Variants in MEGF11 observed in about 807,000 individuals in gnomAD.
The protein encoded by MEGF11 is multiple EGF like domains 11, also known as multiple epidermal growth factor-like domains protein 11.
A neutral mutation model predicts 146.6 loss-of-function variants in MEGF11; 126 were observed. That is an observed-to-expected ratio of 0.86 (90% confidence interval 0.74 to 1.00). The LOEUF (loss-of-function observed/expected upper bound fraction) is 1.00, where lower values mean the gene tolerates loss of function less well. Ranked by LOEUF, MEGF11 falls within the 50% of genes least tolerant of loss-of-function variation. The pLI, the probability that MEGF11 is intolerant of heterozygous loss-of-function variation, is 0.00. For missense variants in MEGF11, 1,509 were observed against 1,521.2 expected (o/e 0.99, Z 0.13); for synonymous variants, 532 against 583.4 (o/e 0.91, Z 1.27).
Position 65,916,198 on chromosome 15 carries a change from C to G in MEGF11, c.2294G>C (p.Ser765Thr). The G allele has an allele frequency of 6.3e-7, 1 of 1,581,142 alleles. No homozygotes were observed. Among genetic ancestry groups the G allele is most frequent in the Non-Finnish European group, 8.6e-7 (1 of 1,163,512 alleles). Residue 765 changes from serine (S) to threonine (T), a missense_variant, in exon 18 of 26, where the codon AGT becomes ACT. Transcript: ENST00000395614. ...CQNGASCDHI[S>T]GKCTCRTGFT... ...GCCTGTGCGGCAGGTGCACTTGCCACTGATGTGGTCACAGCTGGCGCCATT... is the reference window on the plus strand; with the variant it reads ...GCCTGTGCGGCAGGTGCACTTGCCAGTGATGTGGTCACAGCTGGCGCCATT...
intron 5 of MEGF11, among the ~76,000 whole-genome samples, chr15:66,092,631 C>T (rs543841841): frequency 6.6e-6 from 1 of 152,344 alleles, no homozygotes; most frequent in South Asian, 2.1e-4. Flanking sequence ...TGTTCCATCT[C>T]TTTCATTAGG....
chr15:66,159,923 A>G (rs1308955189), intron 1 of MEGF11, among the ~76,000 whole-genome samples: 1 of 152,170 alleles, frequency 6.6e-6, no homozygotes, highest in Non-Finnish European at 1.5e-5. Flanking sequence ...TGGAGTAACC[A>G]TGATTCTTCT....
intron 10 of MEGF11, among the ~76,000 whole-genome samples, chr15:65,941,866 C>T (rs1429385944): frequency 6.6e-6 from 1 of 152,258 alleles, no homozygotes; most frequent in Non-Finnish European, 1.5e-5. Context: ...CTTCACCCCT[C>T]CAGACAGGGC....
chr15:65,968,944 T>TGGAGGCAATTTTACAAAATATTA (rs1479437906), intron 8 of MEGF11, among the ~76,000 whole-genome samples: 1 of 152,204 alleles, frequency 6.6e-6, no homozygotes, highest in African/African-American at 2.4e-5. Context: ...ACGAAATTAA[T>TGGAGGCAATTTTACAAAATATTA]GGAGGCAATT....
At chr15:66,144,114 C>T (rs191651146) in intron 1 of MEGF11, among the ~76,000 whole-genome samples, 12 of 152,304 alleles carry the variant, frequency 7.9e-5, no homozygotes, top group Non-Finnish European at 1.6e-4. Flanking sequence ...CCAGCACACA[C>T]GGACACTAAG....
intron 1 of MEGF11, among the ~76,000 whole-genome samples, chr15:66,237,929 G>A (rs4776771): frequency 0.46 from 69,784 of 152,076 alleles, 16,957 homozygotes; most frequent in East Asian, 0.68. Context: ...AGTGTTTGAA[G>A]GGAAAATACA....
intron 4 of MEGF11, among the ~76,000 whole-genome samples, chr15:66,113,201 C>A (rs1312794104): frequency 6.6e-6 from 1 of 152,128 alleles, no homozygotes; most frequent in Non-Finnish European, 1.5e-5. Context: ...CCCTCGGACA[C>A]CATGTGCAGA....
intron 1 of MEGF11, among the ~76,000 whole-genome samples, chr15:66,205,448 G>A (rs540535219): frequency 6.6e-6 from 1 of 152,224 alleles, no homozygotes; most frequent in South Asian, 2.1e-4. Context: ...TGTCTTGGGG[G>A]TGGTGGGGAT....
chr15:66,008,892 T>C (rs1305909209), intron 5 of MEGF11, among the ~76,000 whole-genome samples: 1 of 151,874 alleles, frequency 6.6e-6, no homozygotes, highest in Non-Finnish European at 1.5e-5. Context: ...CCAGGGCTCC[T>C]TCTTCTATAC....
At chr15:65,953,700 T>C (rs900462518) in intron 10 of MEGF11, among the ~76,000 whole-genome samples, 3 of 151,998 alleles carry the variant, frequency 2.0e-5, no homozygotes, top group African/African-American at 7.3e-5. Flanking sequence ...CACATTTCAG[T>C]GAACAGGATT....
intron 5 of MEGF11, among the ~76,000 whole-genome samples, chr15:66,015,799 C>T (rs141279011): frequency 2.2e-3 from 337 of 150,766 alleles, no homozygotes; most frequent in African/African-American, 7.8e-3. Context: ...AGGTGGCCAC[C>T]GGGCCACAGC....
At chr15:65,994,355 AC>A (rs2082140490) in intron 5 of MEGF11, among the ~76,000 whole-genome samples, 1 of 151,898 alleles carries the variant, frequency 6.6e-6, no homozygotes, top group Non-Finnish European at 1.5e-5. Context: ...TGTGGGCCAC[AC>A]CCCCACTAAG....
chr15:66,059,627 A>T (rs6494545), intron 5 of MEGF11, among the ~76,000 whole-genome samples: 1 of 150,960 alleles, frequency 6.6e-6, no homozygotes, highest in African/African-American at 2.5e-5. Flanking sequence ...CAGTTGCCCC[A>T]GGTTCTTAAA....
At chr15:66,050,800 C>T (rs1455603296) in intron 5 of MEGF11, among the ~76,000 whole-genome samples, 1 of 152,226 alleles carries the variant, frequency 6.6e-6, no homozygotes, top group Non-Finnish European at 1.5e-5. Context: ...CCCTGACCAT[C>T]AGAAGGGTCA....
intron 5 of MEGF11, among the ~76,000 whole-genome samples, chr15:66,010,294 G>A (rs772021026): frequency 1.2e-4 from 18 of 150,452 alleles, no homozygotes; most frequent in Non-Finnish European, 2.4e-4. Context: ...CTGGATTCAA[G>A]CAATTCTCAT....
intron 5 of MEGF11, among the ~76,000 whole-genome samples, chr15:66,087,521 AC>A (rs2086158798): frequency 6.6e-6 from 1 of 152,352 alleles, no homozygotes; most frequent in Admixed American, 6.5e-5. Flanking sequence ...TCCAAAAGGA[AC>A]CTTCAAAACC....
chr15:66,195,478 G>C (rs1223459577), intron 1 of MEGF11, among the ~76,000 whole-genome samples: 1 of 152,204 alleles, frequency 6.6e-6, no homozygotes, highest in Admixed American at 6.5e-5. Context: ...CTAAGACAAA[G>C]GTATGTGTGC....
intron 24 of MEGF11, chr15:65,901,730 C>T (rs890317662): frequency 2.0e-5 from 3 of 152,072 alleles, no homozygotes; most frequent in Non-Finnish European, 4.4e-5. Context: ...GCAGCTGCCT[C>T]AACTGCATAT....
chr15:66,198,406 CT>C (rs1421094210), intron 1 of MEGF11, among the ~76,000 whole-genome samples: 1 of 152,240 alleles, frequency 6.6e-6, no homozygotes, highest in African/African-American at 2.4e-5. Context: ...TGTTTCCTAC[CT>C]TGGTACTTCA....
Sources: gnomAD v4.1 joint callset for allele counts (sites outside exome capture counted in the v4.1 genomes callset) on GRCh38, gnomAD v4.1.1 for gene constraint, MANE v1.5 for transcripts, NCBI Gene and HGNC (gene_info 2026-07-23, HGNC 2026-07-21) for gene names.